The following ASAH1 variants were observed in gnomAD, a reference collection of about 807,000 sequenced individuals.
ASAH1 encodes acid ceramidase.
ASAH1 carries 70 observed loss-of-function variants against 59.5 expected under a neutral mutation model. The ratio of observed to expected loss-of-function variants is 1.18; its 90% confidence interval spans 0.97 to 1.43. The LOEUF is 1.43. ASAH1 is among the 40% of genes most tolerant of loss of function. The pLI, the probability that ASAH1 is intolerant of heterozygous loss-of-function variation, is 0.00. For missense variants in ASAH1, 660 were observed against 482.5 expected (o/e 1.37, Z -3.45); for synonymous variants, 213 against 166.5 (o/e 1.28, Z -2.15).
intron 2 of ASAH1, among the ~76,000 whole-genome samples, chr8:18,071,801 A>T (rs554445184): frequency 1.3e-5 from 2 of 152,268 alleles, no homozygotes; most frequent in African/African-American, 4.8e-5. Flanking sequence ...CAGAGAGTGT[A>T]ACACTATTGC....
At chr8:18,084,690 C>A, upstream of ASAH1, 1 of 1,612,802 alleles carries the variant, frequency 6.2e-7, no homozygotes, top group Admixed American at 1.7e-5. Context: ...GCTTTCACAG[C>A]AAAGCTGCCA....
chr8:18,062,701 A>G lies in ASAH1; in HGVS notation c.504-278T>C, dbSNP rs147285348. On this transcript the variant is annotated intron_variant, in intron 7 of 13. Transcript: ENST00000637790. ...AATTACAATATTCTTATTTTTTCAG[A>G]AAGGTCAAGATGGACACATAAAATA... The G allele has an allele frequency of 1.0e-4, 46 of 454,898 alleles. No individual in the cohort carries two copies. The East Asian group carries it at 1.9e-3, about 19-fold the overall frequency. The allele number at this position is 454,898 out of a possible 1,614,324, so 28.2% of individuals were successfully genotyped here.
intron 8 of ASAH1, 41 bp from the exon 9 acceptor site, chr8:18,061,781 A>G: frequency 1.3e-6 from 2 of 1,537,086 alleles, no homozygotes; most frequent in Non-Finnish European, 1.8e-6. Context: ...AACATCAACC[A>G]TGCGCTTTAA....
chr8:18,059,095 TA>T, intron 12 of ASAH1: 1 of 654,312 alleles, frequency 1.5e-6, no homozygotes. Context: ...TCCCCTTTTT[TA>T]AATTCTTGCC....
chr8:18,061,744 A>T lies in ASAH1; in HGVS notation c.649-4T>A. On this transcript the variant is annotated splice_region_variant and splice_polypyrimidine_tract_variant and intron_variant, in intron 8 of 13. Transcript: ENST00000637790. ...TCAGTGTAAGACTGAACAGTCCCTG[A>T]GAAAAAGACAAAGCAACGAAGTCAG... 1 of 1,568,628 alleles carries T rather than the reference A, an allele frequency of 6.4e-7. No individual in the cohort carries two copies. Among genetic ancestry groups the T allele is most frequent in the Non-Finnish European group, 8.7e-7 (1 of 1,155,132 alleles).
chr8:18,084,283 C>T (rs1348865103), upstream of ASAH1: 1 of 1,438,712 alleles, frequency 7.0e-7, no homozygotes, highest in Non-Finnish European at 9.1e-7. Context: ...GCCTTCCAGG[C>T]TACCTGCAGA....
Position 18,069,798 on chromosome 8 carries a change from T to C in ASAH1, c.297A>G (p.Glu99=), listed in dbSNP as rs1177344121. Residue 99 remains glutamate (E), a synonymous_variant, in exon 4 of 14, where the codon GAA becomes GAG. Coordinates refer to ENST00000637790, the MANE Select transcript of ASAH1 (RefSeq NM_177924.5). ...GAGAAATAATATCTCTTACCAATTT[T>C]TCATCCACCACCTGCATAATTTTTC... The part of the protein sequence containing the change: ...PSGKIMQVVD[E]KLPGLLGNFP... 10 of 1,569,986 alleles carry C rather than the reference T, an allele frequency of 6.4e-6. No individual in the cohort carries two copies. The highest frequency in any genetic ancestry group is 8.8e-6 in the Non-Finnish European group (10 of 1,140,962).
At chr8:18,078,900 G>A (rs1800525488) in intron 1 of ASAH1, among the ~76,000 whole-genome samples, 1 of 145,782 alleles carries the variant, frequency 6.9e-6, no homozygotes, top group South Asian at 2.1e-4. Flanking sequence ...CTCTCTCCCT[G>A]CCCTTCCCTA....
rs190110128 is a variant in ASAH1, at chr8:18,057,500, C to A, written c.*34G>T. The A allele has an allele frequency of 3.1e-4, 476 of 1,526,786 alleles. 3 individuals carry two copies. In the African/African-American group the frequency reaches 5.7e-3, roughly 18 times the overall value. The allele number at this position is 1,526,786 out of a possible 1,614,324, so 94.6% of individuals were successfully genotyped here. ...TCACATGGAGATGGTGTCTTCATGT[C>A]TCAGAGGCCGCATTCTGTAGGCCAG... is the stretch of plus-strand genomic sequence containing the variant. On this transcript the variant is annotated 3_prime_UTR_variant, in exon 14 of 14. Coordinates refer to ENST00000637790, the MANE Select transcript of ASAH1 (RefSeq NM_177924.5).
Position 18,057,392 on chromosome 8 carries a change from G to A in ASAH1, c.*142C>T. 8 of 567,014 alleles carry A rather than the reference G, an allele frequency of 1.4e-5. No homozygotes were observed. 35.1% of individuals were successfully genotyped at this position (567,014 alleles called of 1,614,324 possible). A position where few individuals can be genotyped will look rare whatever the true frequency, so the allele number is the denominator to read the frequency against. Reference sequence around the variant, plus strand: ...AAAAAAGATCTGTCATTTGTCAACAGATGGACGAAGACAAGCTATTGACTC... The same window carrying A: ...AAAAAAGATCTGTCATTTGTCAACAAATGGACGAAGACAAGCTATTGACTC... On this transcript the variant is annotated 3_prime_UTR_variant, in exon 14 of 14. Coordinates refer to ENST00000637790, the MANE Select transcript of ASAH1 (RefSeq NM_177924.5).
At chr8:18,069,738 A>G in intron 4 of ASAH1, 54 bp downstream of exon 4, 2 of 1,294,212 alleles carry the variant, frequency 1.5e-6, no homozygotes, top group South Asian at 1.2e-5. Flanking sequence ...TTAAATAAAT[A>G]ACAGCGCATT....
chr8:18,067,850 G>T (rs1298585728), intron 4 of ASAH1: 1 of 152,198 alleles, frequency 6.6e-6, no homozygotes, highest in Non-Finnish European at 1.5e-5. Context: ...AAATTCAGTG[G>T]TGGACATCAT....
At chr8:18,070,374 T>C (rs559519620) in intron 3 of ASAH1, among the ~76,000 whole-genome samples, 1 of 152,216 alleles carries the variant, frequency 6.6e-6, no homozygotes, top group South Asian at 2.1e-4. Flanking sequence ...GGTCTCGAAC[T>C]CCTGACCTCG....
chr8:18,069,758 C>T (rs537774574), intron 4 of ASAH1, 34 bp downstream of exon 4: 1 of 1,448,970 alleles, frequency 6.9e-7, no homozygotes, highest in South Asian at 1.1e-5. Context: ...TTTCTATGTG[C>T]TTAACATTTA....
chr8:18,084,023 CAGG>C lies in ASAH1; in HGVS notation c.33_35del (p.Leu12del), dbSNP rs780009441. 7.0e-5 allele frequency: 112 copies of C among 1,598,696 alleles called. 1 individual carries two copies. In the East Asian group the frequency reaches 2.4e-3, roughly 34 times the overall value. On this transcript the variant is annotated inframe_deletion, in exon 1 of 14. Transcript: ENST00000637790. Reference sequence around the variant, plus strand: ...CGACGGCACAGCTGACGGCGGCAGCCAGGAGGACTAAGGCGACGCAACTCCGGC... The same window carrying C: ...CGACGGCACAGCTGACGGCGGCAGCCAGGACTAAGGCGACGCAACTCCGGC...
At chr8:18,063,002 C>T (rs892097852) in intron 7 of ASAH1, 183 bp downstream of exon 7, 29 of 596,054 alleles carry the variant, frequency 4.9e-5, no homozygotes, top group South Asian at 3.1e-4. Flanking sequence ...CCCAAGTAGC[C>T]GGGATTACAG....
At chr8:18,059,834 A>G in intron 10 of ASAH1, 131 bp from the exon 11 acceptor site, 1 of 903,782 alleles carries the variant, frequency 1.1e-6, no homozygotes, top group South Asian at 1.7e-5. Flanking sequence ...ACATAGGTAC[A>G]CACGTGCCAT....
At chr8:18,078,199 C>A (rs539127126) in intron 1 of ASAH1, among the ~76,000 whole-genome samples, 2 of 152,178 alleles carry the variant, frequency 1.3e-5, no homozygotes, top group South Asian at 2.1e-4. Flanking sequence ...CATTTGCACG[C>A]CCTGGGTTCC....
chr8:18,067,153 C>CA, intron 5 of ASAH1, 67 bp downstream of exon 5: 1 of 1,439,088 alleles, frequency 6.9e-7, no homozygotes, highest in Non-Finnish European at 9.6e-7. Flanking sequence ...ATGTATATCA[C>CA]ACCTCAATGG....
Sources: allele counts gnomAD v4.1 joint callset (sites outside exome capture counted in the v4.1 genomes callset), GRCh38; gene constraint gnomAD v4.1.1; transcripts MANE v1.5; gene names NCBI Gene and HGNC (gene_info 2026-07-23, HGNC 2026-07-21).